The following CLCA1 variants were observed in gnomAD, a reference collection of about 807,000 sequenced individuals.
CLCA1 encodes chloride channel accessory 1.
CLCA1 carries 59 observed loss-of-function variants against 85.6 expected under a neutral mutation model. That is an observed-to-expected ratio of 0.69 (90% CI 0.56 to 0.86). The LOEUF (loss-of-function observed/expected upper bound fraction) is 0.86. Ranked by LOEUF, CLCA1 falls within the 40% of genes least tolerant of loss-of-function variation. The pLI, the probability that CLCA1 is intolerant of heterozygous loss-of-function variation, is 0.00. For synonymous variants in CLCA1, 396 were observed against 398.3 expected (o/e 0.99, Z 0.07); for missense variants, 1,022 against 1,101.4 (o/e 0.93, Z 1.02).
chr1:86,474,421 G>A (rs941637454), intron 3 of CLCA1, among the ~76,000 whole-genome samples: 1 of 152,162 alleles, frequency 6.6e-6, no homozygotes, highest in African/African-American at 2.4e-5. Context: ...GGGCGTGGTG[G>A]CGGACGCCTG....
intron 8 of CLCA1, 42 bp from the exon 9 acceptor site, chr1:86,491,223 G>A (rs1186231976): frequency 3.4e-6 from 5 of 1,450,872 alleles, no homozygotes; most frequent in Non-Finnish European, 4.8e-6. Context: ...GCAAATAGTT[G>A]CTTTCTGGAA....
Position 86,490,763 on chromosome 1 carries a change from T to C in CLCA1, c.1358-502T>C, listed in dbSNP as rs1004242759. On this transcript the variant is annotated intron_variant, in intron 8 of 13. Coordinates refer to ENST00000394711, the MANE Select transcript of CLCA1 (RefSeq NM_001285.4). ...CTGAGATGTTGCTGAAGCTATTATT[T>C]ACTAAGATTTAAAAATTAGTGGCTG... 3.9e-5 allele frequency among the ~76,000 whole-genome samples: 6 copies of C among 152,204 alleles called. No individual in the cohort carries two copies. In the South Asian group the frequency reaches 8.3e-4, roughly 21 times the overall value.
intron 7 of CLCA1, among the ~76,000 whole-genome samples, chr1:86,488,398 C>T (rs781312274): frequency 5.9e-5 from 9 of 152,094 alleles, no homozygotes; most frequent in Non-Finnish European, 1.3e-4. Context: ...TCCAAATATA[C>T]CAGGAGTAGT....
chr1:86,480,671 T>G (rs1225250402), intron 4 of CLCA1, among the ~76,000 whole-genome samples: 1 of 152,110 alleles, frequency 6.6e-6, no homozygotes, highest in African/African-American at 2.4e-5. Flanking sequence ...TGTCCAATAA[T>G]AAAAATGTTC....
Position 86,493,483 on chromosome 1 carries a change from T to C in CLCA1, c.1564T>C (p.Trp522Arg), listed in dbSNP as rs754243776. The change falls in exon 10 of 14, where the codon TGG (tryptophan) becomes CGG (arginine). Residue 522 changes from tryptophan (W) to arginine (R), a missense_variant. Transcript: ENST00000394711. ...AAAGGACACTTTGTTTCTTATCACC[T>C]GGACAATGCAGCCTCCCCAAATCCT... is the stretch of plus-strand genomic sequence containing the variant. ...VGKDTLFLIT[W>R]TMQPPQILLW... is the part of the protein sequence containing the mutation. 6.2e-7 allele frequency: 1 copy of C among 1,614,006 alleles called. No homozygotes were observed. Among genetic ancestry groups the C allele is most frequent in the South Asian group, 1.1e-5 (1 of 91,070 alleles).
In CLCA1 at chr1:86,473,730, C is replaced by G. The variant is rs1184655834; in HGVS notation, c.305C>G (p.Ala102Gly). ...TAGAAACTTTTTCTTAAATTTCAGG[C>G]TGATGTTCTGGTTGCTGAGTCTACT... is the stretch of plus-strand genomic sequence containing the variant. ...VRPKLETYKN[A>G]DVLVAESTPP... Residue 102 changes from alanine (A) to glycine (G), a missense_variant and splice_region_variant, in exon 3 of 14, where the codon GCT (alanine) becomes GGT (glycine). Physicochemically the swap from Ala to Gly is moderately conservative, Grantham distance 60. Transcript: ENST00000394711. 6.4e-7 allele frequency: 1 copy of G among 1,569,888 alleles called. No homozygotes were observed. Among genetic ancestry groups the G allele is most frequent in the East Asian group, 2.3e-5 (1 of 44,344 alleles).
chr1:86,476,771 C>G (rs558168775), intron 4 of CLCA1, among the ~76,000 whole-genome samples: 1 of 149,558 alleles, frequency 6.7e-6, no homozygotes, highest in African/African-American at 2.5e-5. Context: ...AAGTCATTTG[C>G]CTCCTTTTTT....
chr1:86,487,931 G>T (rs1341267627), intron 7 of CLCA1, among the ~76,000 whole-genome samples: 1 of 152,182 alleles, frequency 6.6e-6, no homozygotes, highest in African/African-American at 2.4e-5. Context: ...GGCCTCTCTG[G>T]CCTGCAGCTT....
At chr1:86,498,541 T>G in intron 12 of CLCA1, 31 bp from the exon 13 acceptor site, 1 of 1,603,872 alleles carries the variant, frequency 6.2e-7, no homozygotes, top group Non-Finnish European at 8.5e-7. Context: ...GTGATGTTGC[T>G]TACCATATTT....
intron 5 of CLCA1, among the ~76,000 whole-genome samples, chr1:86,483,445 G>T (rs1241685212): frequency 6.6e-6 from 1 of 151,984 alleles, no homozygotes; most frequent in South Asian, 2.1e-4. Flanking sequence ...CCAGATATTA[G>T]GATTTGTAAT....
rs922633941 is a variant in CLCA1, at chr1:86,494,292, A to C, written c.1786A>C (p.Lys596Gln). 6.2e-7 allele frequency: 1 copy of C among 1,614,208 alleles called. No homozygotes were observed. Among genetic ancestry groups the C allele is most frequent in the African/African-American group, 1.3e-5 (1 of 75,060 alleles). Residue 596 changes from lysine to glutamine, a missense_variant, in exon 11 of 14, where the codon AAA becomes CAA. By Grantham distance (53) the Lys-to-Gln change is moderately conservative. Transcript: ENST00000394711. Reference protein sequence around the residue: ...ATLPPITVTSKTNKDTSKFPS... With the variant: ...ATLPPITVTSQTNKDTSKFPS... ...CCTGCCTCCAATTACAGTGACTTCC[A>C]AAACGAACAAGGACACCAGCAAATT...
intron 5 of CLCA1, among the ~76,000 whole-genome samples, chr1:86,484,118 C>T (rs1043640498): frequency 6.6e-6 from 1 of 152,156 alleles, no homozygotes; most frequent in South Asian, 2.1e-4. Flanking sequence ...ATCCCTCCCT[C>T]GACACGTGGG....
intron 7 of CLCA1, 116 bp downstream of exon 7, chr1:86,486,869 G>C (rs1647994023): frequency 1.2e-6 from 1 of 868,098 alleles, no homozygotes; most frequent in East Asian, 2.6e-5. Context: ...GATAACCAAG[G>C]AGCAATATTC....
Position 86,486,692 on chromosome 1 carries a change from G to T in CLCA1, c.1121G>T (p.Arg374Ile), listed in dbSNP as rs1647986393. The change falls in exon 7 of 14, where the codon AGA becomes ATA. Residue 374 changes from arginine to isoleucine, a missense_variant. Arg to Ile is a moderately conservative substitution (Grantham distance 97, BLOSUM62 -3). Coordinates refer to ENST00000394711, the MANE Select transcript of CLCA1 (RefSeq NM_001285.4). ...AGTGACAGGGACACACTCGCCAAAAGATTACCTGCAGCAGCTTCAGGAGGG... is the reference window on the plus strand; with the variant it reads ...AGTGACAGGGACACACTCGCCAAAATATTACCTGCAGCAGCTTCAGGAGGG... Reference protein sequence around the residue: ...SGSDRDTLAKRLPAAASGGTS... With the variant: ...SGSDRDTLAKILPAAASGGTS... 6.2e-7 allele frequency: 1 copy of T among 1,614,092 alleles called. No homozygotes were observed. Among genetic ancestry groups the T allele is most frequent in the South Asian group, 1.1e-5 (1 of 91,082 alleles).
At chr1:86,489,904 G>A (rs931584690) in intron 8 of CLCA1, among the ~76,000 whole-genome samples, 3 of 152,178 alleles carry the variant, frequency 2.0e-5, no homozygotes, top group African/African-American at 7.2e-5. Flanking sequence ...TCCTAGGCTG[G>A]GTTTCTTAGA....
chr1:86,473,968 T>C, intron 3 of CLCA1, 92 bp downstream of exon 3: 1 of 868,576 alleles, frequency 1.2e-6, no homozygotes, highest in Middle Eastern at 2.6e-4. Context: ...AGTAAGCATG[T>C]ATAAGCCAAA....
chr1:86,494,655 T>C (rs930035183), intron 11 of CLCA1, among the ~76,000 whole-genome samples: 5 of 152,060 alleles, frequency 3.3e-5, no homozygotes, highest in Non-Finnish European at 7.4e-5. Context: ...CCAAAACACA[T>C]TAACAGCTCA....
intron 13 of CLCA1, 62 bp from the exon 14 acceptor site, chr1:86,499,592 C>A: frequency 9.1e-7 from 1 of 1,097,950 alleles, no homozygotes; most frequent in South Asian, 1.6e-5. Context: ...TAAAGCTCTA[C>A]TGCTTAAGAA....
intron 8 of CLCA1, among the ~76,000 whole-genome samples, chr1:86,490,515 C>A (rs1204296695): frequency 1.3e-5 from 2 of 152,106 alleles, no homozygotes; most frequent in Non-Finnish European, 2.9e-5. Context: ...CACATATGTG[C>A]CTTTCCTCAT....
Sources: allele counts gnomAD v4.1 joint callset (sites outside exome capture counted in the v4.1 genomes callset), GRCh38; gene constraint gnomAD v4.1.1; transcripts MANE v1.5; gene names NCBI Gene and HGNC (gene_info 2026-07-23, HGNC 2026-07-21).